Variants in ELAVL4 observed in about 807,000 individuals in gnomAD.
ELAVL4 encodes the protein ELAV-like protein 4.
ELAVL4 carries 1 observed loss-of-function variant against 35.6 expected under a neutral mutation model. That is an observed-to-expected ratio of 0.03 (90% CI 0.01 to 0.13). The LOEUF (loss-of-function observed/expected upper bound fraction) is 0.13. Ranked by LOEUF, ELAVL4 falls within the 10% of genes least tolerant of loss-of-function variation. The pLI is 1.00. For synonymous variants in ELAVL4, 156 were observed against 171.0 expected (o/e 0.91, Z 0.69); for missense variants, 267 against 464.9 (o/e 0.57, Z 3.91).
chr1:50,179,171 C>G (rs1322626300), intron 3 of ELAVL4, among the ~76,000 whole-genome samples: 1 of 152,000 alleles, frequency 6.6e-6, no homozygotes, highest in Non-Finnish European at 1.5e-5. Context: ...CTTTCCCCAC[C>G]CCCTCACCCA....
intron 2 of ELAVL4, among the ~76,000 whole-genome samples, chr1:50,154,135 A>C (rs995742300): frequency 7.9e-5 from 12 of 152,224 alleles, no homozygotes; most frequent in African/African-American, 2.7e-4. Flanking sequence ...CCTTTGTGTC[A>C]GTGAAATATC....
intron 1 of ELAVL4, among the ~76,000 whole-genome samples, chr1:50,052,828 C>T (rs983249595): frequency 1.3e-5 from 2 of 152,114 alleles, no homozygotes; most frequent in African/African-American, 4.8e-5. Context: ...GATATTTTAT[C>T]CAAAGAAAAG....
intron 1 of ELAVL4, among the ~76,000 whole-genome samples, chr1:50,124,182 G>A (rs1669503275): frequency 6.6e-6 from 1 of 152,078 alleles, no homozygotes. Context: ...GTAACTTTGA[G>A]CTGAAGATCT....
Position 50,168,944 on chromosome 1 carries a change from A to ATG in ELAVL4, c.251-8143_251-8142dup, listed in dbSNP as rs199710762. Among the ~76,000 whole-genome samples the ATG allele has an allele frequency of 6.0e-3, 881 of 145,922 alleles. 7 individuals carry two copies. Among genetic ancestry groups the ATG allele is most frequent in the African/African-American group, 0.02 (814 of 39,858 alleles). ...TAGAGGGATAGAACTGATAGGAGAT[A>ATG]TGTATATATATATATATATACACAC... On this transcript the variant is annotated intron_variant, in intron 2 of 6. Transcript: ENST00000371824.
intron 1 of ELAVL4, among the ~76,000 whole-genome samples, chr1:50,122,980 A>T (rs1669278936): frequency 6.6e-6 from 1 of 152,052 alleles, no homozygotes; most frequent in South Asian, 2.1e-4. Flanking sequence ...GTAGTAAAGG[A>T]GACATGGCCC....
chr1:50,109,203 G>C lies in ELAVL4; in HGVS notation c.9+5G>C. 1 of 1,612,526 alleles carries C rather than the reference G, an allele frequency of 6.2e-7. No individual in the cohort carries two copies. Among genetic ancestry groups the C allele is most frequent in the Non-Finnish European group, 8.5e-7 (1 of 1,179,134 alleles). On this transcript the variant is annotated splice_donor_5th_base_variant and intron_variant, in intron 1 of 6. Transcript: ENST00000371824. Reference sequence around the variant, plus strand: ...TTGCCAATAAGAATGGTTATGGTAGGTATGACTAGATTTATAATCTGTTGT... The same window carrying C: ...TTGCCAATAAGAATGGTTATGGTAGCTATGACTAGATTTATAATCTGTTGT...
intron 1 of ELAVL4, among the ~76,000 whole-genome samples, chr1:50,112,915 T>C (rs923467395): frequency 6.6e-6 from 1 of 152,078 alleles, no homozygotes; most frequent in Non-Finnish European, 1.5e-5. Context: ...GGCCAGATTG[T>C]TGTGAGATAA....
chr1:50,148,386 G>A (rs1674122352), intron 2 of ELAVL4, among the ~76,000 whole-genome samples: 1 of 152,166 alleles, frequency 6.6e-6, no homozygotes, highest in Non-Finnish European at 1.5e-5. Context: ...AGACTCATGT[G>A]TATAAAGGGA....
intron 1 of ELAVL4, 148 bp downstream of exon 1, chr1:50,109,346 T>C (rs540444162): frequency 1.4e-4 from 112 of 774,628 alleles, no homozygotes; most frequent in Non-Finnish European, 2.1e-4. Context: ...GTGTAGAGAG[T>C]GCGGGTAGGT....
intron 1 of ELAVL4, among the ~76,000 whole-genome samples, chr1:50,060,687 A>T (rs1249062338): frequency 1.3e-5 from 2 of 152,138 alleles, no homozygotes; most frequent in Non-Finnish European, 2.9e-5. Context: ...TCCCACTGTC[A>T]CCTGCCAAGT....
At chr1:50,185,135 G>A (rs114537045) in intron 3 of ELAVL4, among the ~76,000 whole-genome samples, 5 of 152,272 alleles carry the variant, frequency 3.3e-5, no homozygotes, top group Admixed American at 6.5e-5. Context: ...TGGCCCTGCG[G>A]ATTAAAGACT....
At chr1:50,196,447 TGG>T (rs1644066412) in intron 5 of ELAVL4, among the ~76,000 whole-genome samples, 1 of 152,244 alleles carries the variant, frequency 6.6e-6, no homozygotes, top group African/African-American at 2.4e-5. Flanking sequence ...TGACCTTGAC[TGG>T]TCTCTATTAT....
At chr1:50,084,932 G>T (rs1439891387) in intron 1 of ELAVL4, among the ~76,000 whole-genome samples, 2 of 151,922 alleles carry the variant, frequency 1.3e-5, no homozygotes, top group African/African-American at 4.8e-5. Context: ...ATAGGTCTGG[G>T]CCTAACATGG....
chr1:50,144,651 A>G (rs984450160), intron 1 of ELAVL4: 3 of 549,924 alleles, frequency 5.5e-6, no homozygotes, highest in Non-Finnish European at 1.0e-5. Context: ...TGGCTTAAGT[A>G]TACATTTCTG....
intron 2 of ELAVL4, 97 bp from the exon 3 acceptor site, chr1:50,176,992 T>A: frequency 1.0e-6 from 1 of 957,110 alleles, no homozygotes; most frequent in Non-Finnish European, 1.6e-6. Context: ...GTGGGAAGTG[T>A]TGCCTCTATA....
chr1:50,073,446 G>A (rs1572131110), intron 1 of ELAVL4, among the ~76,000 whole-genome samples: 1 of 151,694 alleles, frequency 6.6e-6, no homozygotes, highest in South Asian at 2.1e-4. Flanking sequence ...TTTTTTTAAA[G>A]CAAAGTAATA....
intron 1 of ELAVL4, among the ~76,000 whole-genome samples, chr1:50,133,122 G>T (rs1008812701): frequency 6.6e-6 from 1 of 152,080 alleles, no homozygotes. Context: ...GGCTGTTTCC[G>T]TTTTTCTCAC....
At chr1:50,092,471 G>C (rs1665538640) in intron 1 of ELAVL4, among the ~76,000 whole-genome samples, 1 of 152,232 alleles carries the variant, frequency 6.6e-6, no homozygotes, top group Non-Finnish European at 1.5e-5. Context: ...TGAGCTAAAA[G>C]TAAAAGAAGA....
At position 50,109,144 on chromosome 1, in the gene ELAVL4, A is replaced by G. The variant is rs776135039; in HGVS notation, c.-46A>G. ...ATATTCTGAAATCTTTGCAAATTTTAACAGAAGAGTCGAAGCTCTGCGAGA... is the reference window on the plus strand; with the variant it reads ...ATATTCTGAAATCTTTGCAAATTTTGACAGAAGAGTCGAAGCTCTGCGAGA... On this transcript the variant is annotated 5_prime_UTR_variant, in exon 1 of 7. Transcript: ENST00000371824. The G allele has an allele frequency of 6.3e-7, 1 of 1,595,426 alleles. No homozygotes were observed. Among genetic ancestry groups the G allele is most frequent in the Non-Finnish European group, 8.5e-7 (1 of 1,173,864 alleles).
Sources: allele counts gnomAD v4.1 joint callset (sites outside exome capture counted in the v4.1 genomes callset), GRCh38; gene constraint gnomAD v4.1.1; transcripts MANE v1.5; gene names NCBI Gene and HGNC (gene_info 2026-07-23, HGNC 2026-07-21).